Variants in GLI2 observed in about 807,000 individuals in gnomAD.
GLI2 encodes transcription activator GLI2.
In GLI2, 22 loss-of-function variants were observed where a neutral mutation model predicts 78.9. The observed-to-expected ratio is 0.28, with a 90% CI of 0.20 to 0.40. GLI2 has a LOEUF of 0.40. GLI2 is among the 10% of genes least tolerant of loss of function. The pLI, the probability that GLI2 is intolerant of heterozygous loss-of-function variation, is 1.00. For missense variants in GLI2, 2,097 were observed against 2,213.2 expected (o/e 0.95, Z 1.05); for synonymous variants, 974 against 963.7 (o/e 1.01, Z -0.20).
At chr2:120,863,251 C>T (rs912802608) in intron 2 of GLI2, among the ~76,000 whole-genome samples, 11 of 152,338 alleles carry the variant, frequency 7.2e-5, no homozygotes, top group South Asian at 6.2e-4. Flanking sequence ...AGGCATTTCT[C>T]CGGCAGCCGA....
intron 1 of GLI2, among the ~76,000 whole-genome samples, chr2:120,770,201 CA>C (rs2104656179): frequency 6.6e-6 from 1 of 152,350 alleles, no homozygotes; most frequent in African/African-American, 2.4e-5. Flanking sequence ...GCTCCAAACA[CA>C]AACACATCCA....
intron 3 of GLI2, among the ~76,000 whole-genome samples, chr2:120,949,490 A>G (rs1325751246): frequency 6.6e-6 from 1 of 152,092 alleles, no homozygotes; most frequent in African/African-American, 2.4e-5. Context: ...AACCTGGCAG[A>G]TGCACCTGTC....
intron 3 of GLI2, among the ~76,000 whole-genome samples, chr2:120,945,899 T>C (rs1443401780): frequency 6.7e-6 from 1 of 150,100 alleles, no homozygotes; most frequent in Admixed American, 6.7e-5. Flanking sequence ...GTGGGTTCAA[T>C]ATAGACCCAG....
chr2:120,768,315 C>T (rs898225563), intron 1 of GLI2, among the ~76,000 whole-genome samples: 6 of 152,220 alleles, frequency 3.9e-5, no homozygotes, highest in African/African-American at 1.2e-4. Context: ...AGAGGAGAAG[C>T]GCCCTCAGAG....
Position 120,989,391 on chromosome 2 carries a change from C to G in GLI2, c.3426C>G (p.Ser1142Arg). ...CCGGCACCGTAGACGCCCTGGCCAG[C>G]CAGGTGAAGCCTCCACCCTTTCCTC... ...VSSGTVDALA[S>R]QVKPPPFPQG... Residue 1142 changes from serine (S) to arginine (R), a missense_variant, in exon 14 of 14, where the codon AGC (serine) becomes AGG (arginine). Ser to Arg is a moderately radical substitution (Grantham distance 110). Transcript: ENST00000361492. 4 of 1,613,020 alleles carry G rather than the reference C, an allele frequency of 2.5e-6. No individual in the cohort carries two copies. Among genetic ancestry groups the G allele is most frequent in the Non-Finnish European group, 3.4e-6 (4 of 1,179,970 alleles).
At chr2:120,764,970 C>T (rs573371779) in intron 1 of GLI2, among the ~76,000 whole-genome samples, 1 of 152,138 alleles carries the variant, frequency 6.6e-6, no homozygotes, top group Non-Finnish European at 1.5e-5. Flanking sequence ...ATTTGTTCAC[C>T]GTCCATTCAT....
chr2:120,883,712 T>A (rs371016201), intron 2 of GLI2, among the ~76,000 whole-genome samples: 20 of 152,302 alleles, frequency 1.3e-4, no homozygotes, highest in African/African-American at 4.8e-4. Flanking sequence ...ATAGCTCAGA[T>A]CTGAACCCAC....
At chr2:120,830,966 C>T (rs1351921595) in intron 2 of GLI2, among the ~76,000 whole-genome samples, 4 of 148,948 alleles carry the variant, frequency 2.7e-5, no homozygotes, top group South Asian at 4.4e-4. Flanking sequence ...ACTCTGCCTC[C>T]GTATCTCTCT....
At chr2:120,948,387 A>T (rs1411717504) in intron 3 of GLI2, among the ~76,000 whole-genome samples, 1 of 152,084 alleles carries the variant, frequency 6.6e-6, no homozygotes, top group African/African-American at 2.4e-5. Flanking sequence ...GCCCTGGGCT[A>T]CCCCTGGGCT....
rs1558931884 is a variant in GLI2, at chr2:120,978,422, T to A, written c.1318-12T>A. ...CCCTGCTTACCCTCTTCTGGGCATGTCCCTCCGGCAGCACATCAACAACGA... is the reference window on the plus strand; with the variant it reads ...CCCTGCTTACCCTCTTCTGGGCATGACCCTCCGGCAGCACATCAACAACGA... On this transcript the variant is annotated splice_polypyrimidine_tract_variant and intron_variant, in intron 9 of 13. Coordinates refer to ENST00000361492, the MANE Select transcript of GLI2 (RefSeq NM_001374353.1). The A allele has an allele frequency of 6.2e-7, 1 of 1,614,044 alleles. No homozygotes were observed. Among genetic ancestry groups the A allele is most frequent in the Non-Finnish European group, 8.5e-7 (1 of 1,179,978 alleles).
At chr2:120,785,133 C>A (rs571649481) in intron 1 of GLI2, among the ~76,000 whole-genome samples, 1 of 152,296 alleles carries the variant, frequency 6.6e-6, no homozygotes, top group African/African-American at 2.4e-5. Flanking sequence ...GTCCCAGACA[C>A]CTGGCCTGGG....
At chr2:120,896,692 CCCAT>C (rs1194343746) in intron 2 of GLI2, among the ~76,000 whole-genome samples, 22 of 129,264 alleles carry the variant, frequency 1.7e-4, no homozygotes, top group African/African-American at 6.7e-4. Context: ...CTCACACACA[CCCAT>C]ACACACACAC....
At chr2:120,863,079 A>G (rs1321392479) in intron 2 of GLI2, among the ~76,000 whole-genome samples, 1 of 152,210 alleles carries the variant, frequency 6.6e-6, no homozygotes, top group African/African-American at 2.4e-5. Context: ...GGAAGGGGCT[A>G]TTGCTGTGGT....
intron 1 of GLI2, chr2:120,792,413 G>A (rs1684189052): frequency 6.6e-6 from 1 of 152,222 alleles, no homozygotes; most frequent in South Asian, 2.1e-4. Context: ...TACATGTGCT[G>A]CTTTACCGAC....
At chr2:120,946,133 T>G (rs532542205) in intron 3 of GLI2, among the ~76,000 whole-genome samples, 5 of 152,302 alleles carry the variant, frequency 3.3e-5, no homozygotes, top group Non-Finnish European at 7.4e-5. Flanking sequence ...CAGGCAGAGT[T>G]AGAGAATCAC....
At chr2:120,798,369 T>C (rs1013216068) in intron 2 of GLI2, among the ~76,000 whole-genome samples, 1 of 152,174 alleles carries the variant, frequency 6.6e-6, no homozygotes, top group African/African-American at 2.4e-5. Flanking sequence ...GTTTCTGCAT[T>C]TCTGTTGGGT....
intron 2 of GLI2, among the ~76,000 whole-genome samples, chr2:120,809,156 T>C (rs903426357): frequency 6.6e-6 from 1 of 152,268 alleles, no homozygotes; most frequent in Non-Finnish European, 1.5e-5. Context: ...GAACGTGGTA[T>C]GTATGTACAA....
rs561996247 is a variant in GLI2, at chr2:120,860,873, A to T, written c.148+63405A>T. On this transcript the variant is annotated intron_variant, in intron 2 of 13. Coordinates refer to ENST00000361492, the MANE Select transcript of GLI2 (RefSeq NM_001374353.1). ...CTTGGTTTCCTGAGGCCCTGCGTGG[A>T]TTACCCCATTTCTAATATGGCCAGG... Among the ~76,000 whole-genome samples the T allele has an allele frequency of 5.9e-5, 9 of 152,272 alleles. No individual in the cohort carries two copies. The South Asian group carries it at 1.9e-3, about 32-fold the overall frequency.
chr2:120,807,366 G>A (rs1685009259), intron 2 of GLI2, among the ~76,000 whole-genome samples: 1 of 152,210 alleles, frequency 6.6e-6, no homozygotes, highest in Admixed American at 6.5e-5. Flanking sequence ...TGAGACTCCA[G>A]TGCTTAGAGG....
Sources: gnomAD v4.1 joint callset for allele counts (sites outside exome capture counted in the v4.1 genomes callset) on GRCh38, gnomAD v4.1.1 for gene constraint, MANE v1.5 for transcripts, NCBI Gene and HGNC (gene_info 2026-07-23, HGNC 2026-07-21) for gene names.